Variants in AVL9 observed in about 807,000 individuals in gnomAD.
The protein encoded by AVL9 is late secretory pathway protein AVL9 homolog.
A neutral mutation model predicts 79.2 loss-of-function variants in AVL9; 49 were observed. The observed-to-expected ratio is 0.62, with a 90% CI of 0.49 to 0.79. The LOEUF (loss-of-function observed/expected upper bound fraction) is 0.79. Among genes scored for constraint, AVL9 ranks in the 30% least tolerant of loss-of-function variants. The pLI is 0.00. For synonymous variants in AVL9, 299 were observed against 280.6 expected (o/e 1.07, Z -0.65); for missense variants, 682 against 776.8 (o/e 0.88, Z 1.45).
In AVL9 at chr7:32,561,409, G is replaced by A. The variant is rs559360173; in HGVS notation, c.1215+1945G>A. 4.6e-5 allele frequency among the ~76,000 whole-genome samples: 7 copies of A among 152,282 alleles called. No homozygotes were observed. In the South Asian group the frequency reaches 1.2e-3, roughly 27 times the overall value. On this transcript the variant is annotated intron_variant, in intron 10 of 15. Coordinates refer to ENST00000318709, the MANE Select transcript of AVL9 (RefSeq NM_015060.3). ...CCTTGCACTTTTATGTTATAGAGAC[G>A]GCTTCTTAAACATTGTGAGCTAACT...
intron 11 of AVL9, among the ~76,000 whole-genome samples, chr7:32,571,509 T>TA (rs1203199577): frequency 1.3e-5 from 2 of 151,710 alleles, no homozygotes; most frequent in East Asian, 1.9e-4. Context: ...GCTTGGGCGA[T>TA]AGAGTGAAAT....
intron 4 of AVL9, among the ~76,000 whole-genome samples, chr7:32,550,859 A>C (rs1477270964): frequency 6.6e-6 from 1 of 152,222 alleles, no homozygotes; most frequent in Non-Finnish European, 1.5e-5. Flanking sequence ...AAATGTCGCT[A>C]CAGGCCAGCA....
chr7:32,512,283 G>A (rs113999115), intron 1 of AVL9, among the ~76,000 whole-genome samples: 2,398 of 152,320 alleles, frequency 0.016, 74 homozygotes, highest in African/African-American at 0.055. Context: ...CAGTTCTGAA[G>A]CAGGAATTGG....
chr7:32,508,162 G>A (rs1486188390), intron 1 of AVL9, among the ~76,000 whole-genome samples: 1 of 151,992 alleles, frequency 6.6e-6, no homozygotes, highest in Non-Finnish European at 1.5e-5. Context: ...TTCCCTCTCT[G>A]TTGCTTGCCT....
chr7:32,564,253 A>T (rs1790458459), intron 10 of AVL9, among the ~76,000 whole-genome samples: 1 of 152,184 alleles, frequency 6.6e-6, no homozygotes, highest in Non-Finnish European at 1.5e-5. Flanking sequence ...TCCCTATAAA[A>T]TATTTGTCTT....
intron 1 of AVL9, among the ~76,000 whole-genome samples, chr7:32,529,965 C>T (rs1267367036): frequency 6.6e-6 from 1 of 152,164 alleles, no homozygotes; most frequent in Non-Finnish European, 1.5e-5. Context: ...GTATCAGTAA[C>T]TGCTGTATAG....
intron 10 of AVL9, among the ~76,000 whole-genome samples, chr7:32,563,073 C>T (rs1465946293): frequency 6.6e-6 from 1 of 152,130 alleles, no homozygotes; most frequent in Non-Finnish European, 1.5e-5. Flanking sequence ...GTTCTGTCCC[C>T]CAGGCTGGAG....
At position 32,570,968 on chromosome 7, in the gene AVL9, G is replaced by A. The variant is rs544018662; in HGVS notation, c.1350+814G>A. Among the ~76,000 whole-genome samples the A allele has an allele frequency of 1.8e-4, 26 of 142,176 alleles. No homozygotes were observed. In the East Asian group the frequency reaches 4.5e-3, roughly 25 times the overall value. 93.3% of individuals were successfully genotyped at this position (142,176 alleles called of 152,430 possible). A position where few individuals can be genotyped will look rare whatever the true frequency, so the allele number is the denominator to read the frequency against. ...TATGAGGCTCGGCGCAGTGGCTCAC[G>A]CCTGTAATCCCAGCACTTGGGGAGG... On this transcript the variant is annotated intron_variant, in intron 11 of 15. Coordinates refer to ENST00000318709, the MANE Select transcript of AVL9 (RefSeq NM_015060.3).
At chr7:32,542,625 T>A (rs952684117) in intron 1 of AVL9, among the ~76,000 whole-genome samples, 1 of 152,214 alleles carries the variant, frequency 6.6e-6, no homozygotes, top group Non-Finnish European at 1.5e-5. Context: ...TTAAATCATT[T>A]TTAAAGCCCT....
At chr7:32,503,345 G>GATATATAT (rs1562749405) in intron 1 of AVL9, among the ~76,000 whole-genome samples, 2 of 77,626 alleles carry the variant, frequency 2.6e-5, no homozygotes, top group Non-Finnish European at 5.7e-5. Flanking sequence ...TATATATATA[G>GATATATAT]ATATAGATAT....
At chr7:32,525,663 T>A (rs1378947253) in intron 1 of AVL9, among the ~76,000 whole-genome samples, 1 of 152,218 alleles carries the variant, frequency 6.6e-6, no homozygotes, top group Non-Finnish European at 1.5e-5. Context: ...TATAAGATTA[T>A]AACTTTTTCA....
At chr7:32,573,826 G>C (rs1583598688) in intron 12 of AVL9, among the ~76,000 whole-genome samples, 1 of 152,156 alleles carries the variant, frequency 6.6e-6, no homozygotes, top group African/African-American at 2.4e-5. Flanking sequence ...TGTATAAAGG[G>C]AGAAAGAATA....
chr7:32,582,850 A>G (rs1404061519), intron 15 of AVL9, among the ~76,000 whole-genome samples: 2 of 151,960 alleles, frequency 1.3e-5, no homozygotes, highest in African/African-American at 2.4e-5. Flanking sequence ...ATGCCTGGCT[A>G]ATTTTTCTAT....
At chr7:32,520,527 T>A (rs1334864123) in intron 1 of AVL9, among the ~76,000 whole-genome samples, 1 of 152,180 alleles carries the variant, frequency 6.6e-6, no homozygotes, top group Admixed American at 6.5e-5. Flanking sequence ...TTGTAAGGTC[T>A]ATTTGCCCTG....
intron 1 of AVL9, among the ~76,000 whole-genome samples, chr7:32,523,689 T>C (rs948405371): frequency 6.7e-6 from 1 of 148,952 alleles, no homozygotes; most frequent in African/African-American, 2.5e-5. Flanking sequence ...CTAAGTATTA[T>C]TATTATTATT....
chr7:32,579,578 A>G (rs1232965641), intron 13 of AVL9, among the ~76,000 whole-genome samples: 1 of 15,142 alleles, frequency 6.6e-5, no homozygotes, highest in African/African-American at 3.4e-4. Flanking sequence ...ATTATATTAT[A>G]TATTATATAT....
rs190081002 is a variant in AVL9, at chr7:32,517,056, G to A, written c.93+21254G>A. 1.2e-3 allele frequency among the ~76,000 whole-genome samples: 178 copies of A among 152,114 alleles called. 2 individuals are homozygous for A. The highest frequency in any genetic ancestry group is 2.6e-3 in the African/African-American group (107 of 41,484). ...TCCACTGTTTGTATTCAACCATTTC[G>A]TTTTTGTTATTGTTAATTGTTTTTG... On this transcript the variant is annotated intron_variant, in intron 1 of 15. Coordinates refer to ENST00000318709, the MANE Select transcript of AVL9 (RefSeq NM_015060.3).
chr7:32,541,039 C>G (rs770075177), intron 1 of AVL9, among the ~76,000 whole-genome samples: 19 of 150,576 alleles, frequency 1.3e-4, no homozygotes, highest in Non-Finnish European at 1.9e-4. Flanking sequence ...GTAGCTGGGA[C>G]TACAGGCGCC....
intron 8 of AVL9, among the ~76,000 whole-genome samples, chr7:32,556,786 G>C (rs752567235): frequency 6.6e-6 from 1 of 151,822 alleles, no homozygotes; most frequent in Non-Finnish European, 1.5e-5. Flanking sequence ...TATTTTTTGA[G>C]ACAGGGTATA....
Sources: allele counts gnomAD v4.1 joint callset (sites outside exome capture counted in the v4.1 genomes callset), GRCh38; gene constraint gnomAD v4.1.1; transcripts MANE v1.5; gene names NCBI Gene and HGNC (gene_info 2026-07-23, HGNC 2026-07-21).